KLHL18: variants seen among roughly 807,000 people sequenced by gnomAD.
KLHL18 encodes the protein kelch like family member 18, also known as kelch-like protein 18.
KLHL18 carries 38 observed loss-of-function variants against 58.5 expected under a neutral mutation model. That is an observed-to-expected ratio of 0.65 (90% CI 0.50 to 0.85). KLHL18 has a LOEUF of 0.85. Ranked by LOEUF, KLHL18 falls within the 40% of genes least tolerant of loss-of-function variation. KLHL18 has a pLI of 0.00. For missense variants in KLHL18, 624 were observed against 778.4 expected (o/e 0.80, Z 2.36); for synonymous variants, 303 against 301.9 (o/e 1.00, Z -0.04).
At chr3:47,323,501 T>C (rs192116549) in intron 3 of KLHL18, among the ~76,000 whole-genome samples, 1 of 152,360 alleles carries the variant, frequency 6.6e-6, no homozygotes, top group East Asian at 1.9e-4. Context: ...ACTTTTATGG[T>C]TGGGACCATG....
At chr3:47,309,477 C>T (rs1703238825) in intron 1 of KLHL18, among the ~76,000 whole-genome samples, 1 of 151,368 alleles carries the variant, frequency 6.6e-6, no homozygotes, top group African/African-American at 2.4e-5. Context: ...CAGAGGCGCT[C>T]CCCACAGCTC....
chr3:47,322,484 A>T, intron 2 of KLHL18, 84 bp from the exon 3 acceptor site: 1 of 1,342,790 alleles, frequency 7.4e-7, no homozygotes, highest in Non-Finnish European at 9.9e-7. Context: ...GGGCTAAGTA[A>T]TGTCAGTTCA....
intron 7 of KLHL18, among the ~76,000 whole-genome samples, chr3:47,339,009 C>G (rs2240796): frequency 0.13 from 19,854 of 152,012 alleles, 1,729 homozygotes; most frequent in East Asian, 0.3. Flanking sequence ...ACCACCAGAC[C>G]CCTGGGTCTT....
intron 7 of KLHL18, 185 bp downstream of exon 7, chr3:47,336,942 C>T (rs762154624): frequency 2.0e-5 from 12 of 591,434 alleles, no homozygotes; most frequent in Non-Finnish European, 2.7e-5. Flanking sequence ...GTAAAATATC[C>T]ACCTTGTCCT....
rs73831491 is a variant in KLHL18, at chr3:47,291,393, A to G, written c.129+8299A>G. ...GAACATCCAAGCAGCTGATTACATC[A>G]CCACTTTTTTCCAATTGGGGACAAA... On this transcript the variant is annotated intron_variant, in intron 1 of 9. Coordinates refer to ENST00000232766, the MANE Select transcript of KLHL18 (RefSeq NM_025010.5). Among the ~76,000 whole-genome samples the G allele has an allele frequency of 7.9e-4, 120 of 152,308 alleles. 1 individual carries two copies. The highest frequency in any genetic ancestry group is 2.8e-3 in the African/African-American group (115 of 41,564).
At position 47,329,906 on chromosome 3, in the gene KLHL18, C is replaced by T. The variant is rs113540790; in HGVS notation, c.402-45C>T. 344 of 1,527,664 alleles carry T rather than the reference C, an allele frequency of 2.3e-4. 3 individuals carry two copies. In the African/African-American group the frequency reaches 4.1e-3, roughly 18 times the overall value. 94.6% of individuals were successfully genotyped at this position (1,527,664 alleles called of 1,614,324 possible). ...CCAGCCTGAGAATGATCAAAGATAACATCCTTTCTTCCTCTAATTTTTTTT... is the reference window on the plus strand; with the variant it reads ...CCAGCCTGAGAATGATCAAAGATAATATCCTTTCTTCCTCTAATTTTTTTT... On this transcript the variant is annotated intron_variant, in intron 3 of 9. Coordinates refer to ENST00000232766, the MANE Select transcript of KLHL18 (RefSeq NM_025010.5).
chr3:47,330,213 T>C (rs1345270869), intron 4 of KLHL18, 64 bp downstream of exon 4: 2 of 1,450,128 alleles, frequency 1.4e-6, no homozygotes, highest in African/African-American at 1.4e-5. Context: ...AGTCATTGTT[T>C]TGTTTATGTA....
intron 1 of KLHL18, among the ~76,000 whole-genome samples, chr3:47,300,932 G>A (rs759382371): frequency 1.3e-5 from 2 of 152,054 alleles, no homozygotes; most frequent in African/African-American, 4.8e-5. Context: ...GAGTCACCAC[G>A]CCCGGCCTCA....
Position 47,330,021 on chromosome 3 carries a change from G to T in KLHL18, c.472G>T (p.Ala158Ser). 3 of 1,614,020 alleles carry T rather than the reference G, an allele frequency of 1.9e-6. No individual in the cohort carries two copies. The highest frequency in any genetic ancestry group is 2.5e-6 in the Non-Finnish European group (3 of 1,180,004). Reference protein sequence around the residue: ...ETMMCAVLYDAANSFIHQHFV... With the variant: ...ETMMCAVLYDSANSFIHQHFV... ...AATGATGTGTGCTGTGCTGTACGAC[G>T]CTGCCAACAGCTTCATCCACCAGCA... Residue 158 changes from alanine to serine, a missense_variant, in exon 4 of 10, where the codon GCT becomes TCT. Transcript: ENST00000232766.
At position 47,343,761 on chromosome 3, in the gene KLHL18, C is replaced by T; in HGVS notation, c.1545C>T (p.Ser515=). 2 of 1,614,214 alleles carry T rather than the reference C, an allele frequency of 1.2e-6. No individual in the cohort carries two copies. The highest frequency in any genetic ancestry group is 1.7e-6 in the Non-Finnish European group (2 of 1,180,042). ...TTGTCCCCATGCACACGCGCAGGAG[C>T]CGGGTCTCCCTGGTGGCCAGCTGTG... is the stretch of plus-strand genomic sequence containing the variant. ...CLIVPMHTRR[S]RVSLVASCGR... Residue 515 remains serine (S), a synonymous_variant, in exon 10 of 10, where the codon AGC becomes AGT. Transcript: ENST00000232766.
At chr3:47,307,089 C>G (rs57759602) in intron 1 of KLHL18, among the ~76,000 whole-genome samples, 1 of 151,392 alleles carries the variant, frequency 6.6e-6, no homozygotes, top group Non-Finnish European at 1.5e-5. Flanking sequence ...GTCTTTTTTT[C>G]GAGATGGAGT....
chr3:47,291,270 T>C (rs897426969), intron 1 of KLHL18, among the ~76,000 whole-genome samples: 2 of 152,242 alleles, frequency 1.3e-5, no homozygotes, highest in African/African-American at 4.8e-5. Flanking sequence ...GGCAGCTACC[T>C]TTCTACTTTC....
chr3:47,313,851 G>T (rs527743792), intron 1 of KLHL18, among the ~76,000 whole-genome samples: 1 of 152,168 alleles, frequency 6.6e-6, no homozygotes, highest in Admixed American at 6.5e-5. Flanking sequence ...CTGACATTGG[G>T]TGAGCTACTT....
In KLHL18 at chr3:47,305,880, AGT is replaced by A. The variant is rs1703136688; in HGVS notation, c.130-13772_130-13771del. Among the ~76,000 whole-genome samples, 6 of 152,194 alleles carry A rather than the reference AGT, an allele frequency of 3.9e-5. No homozygotes were observed. The South Asian group carries it at 1.2e-3, about 32-fold the overall frequency. Reference sequence around the variant, plus strand: ...CATCAGTTGTCAAATTTATGTGTAGAGTTGTTCATAGTATTCTCCTGTTATCA... The same window carrying A: ...CATCAGTTGTCAAATTTATGTGTAGATGTTCATAGTATTCTCCTGTTATCA... On this transcript the variant is annotated intron_variant, in intron 1 of 9. Coordinates refer to ENST00000232766, the MANE Select transcript of KLHL18 (RefSeq NM_025010.5).
intron 4 of KLHL18, among the ~76,000 whole-genome samples, chr3:47,331,787 G>A (rs914210351): frequency 1.3e-5 from 2 of 149,750 alleles, no homozygotes; most frequent in African/African-American, 2.5e-5. Flanking sequence ...TTTGACTGCT[G>A]TTGGGAGTTT....
In KLHL18 at chr3:47,342,737, G is replaced by A. The variant is rs149651289; in HGVS notation, c.1245G>A (p.Ser415=). The part of the protein sequence containing the change: ...PETDKWTVVT[S]MSSNRSAAGV... ...CCTGAAGATGGACAGTGGTGACCTC[G>A]ATGAGCTCGAATCGCAGTGCTGCTG... Residue 415 remains serine (S), a synonymous_variant, in exon 9 of 10, where the codon TCG becomes TCA. Coordinates refer to ENST00000232766, the MANE Select transcript of KLHL18 (RefSeq NM_025010.5). The A allele has an allele frequency of 4.0e-5, 65 of 1,614,074 alleles. No individual in the cohort carries two copies. The highest frequency in any genetic ancestry group is 4.8e-5 in the Non-Finnish European group (57 of 1,179,970).
chr3:47,333,166 G>C lies in KLHL18; in HGVS notation c.610G>C (p.Ala204Pro). The C allele has an allele frequency of 6.2e-7, 1 of 1,613,348 alleles. No homozygotes were observed. Among genetic ancestry groups the C allele is most frequent in the Middle Eastern group, 1.7e-4 (1 of 6,056 alleles). Residue 204 changes from alanine to proline, a missense_variant, in exon 5 of 10, where the codon GCT becomes CCT. Coordinates refer to ENST00000232766, the MANE Select transcript of KLHL18 (RefSeq NM_025010.5). ...NVKSEEQVFE[A>P]ALAWVRYDRE... ...TCCACTCTCATGACAGGTCTTTGAA[G>C]CTGCATTGGCCTGGGTCAGATACGA...
rs768708844 is a variant in KLHL18 at position 47,336,595 on chromosome 3, G to A, written c.959G>A (p.Arg320His). Reference sequence around the variant, plus strand: ...ATTGCCAATTGCTGGGAGAGATGCCGTCCCATGACAACAGCCCGCAGCCGC... The same window carrying A: ...ATTGCCAATTGCTGGGAGAGATGCCATCCCATGACAACAGCCCGCAGCCGC... ...DPIANCWERCRPMTTARSRVG... is the reference protein window; with the variant it reads ...DPIANCWERCHPMTTARSRVG... Residue 320 changes from arginine to histidine, a missense_variant, in exon 7 of 10, where the codon CGT becomes CAT. By Grantham distance (29) the Arg-to-His change is conservative. Coordinates refer to ENST00000232766, the MANE Select transcript of KLHL18 (RefSeq NM_025010.5). 7.4e-6 allele frequency: 12 copies of A among 1,614,224 alleles called. No individual in the cohort carries two copies. Among genetic ancestry groups the A allele is most frequent in the Middle Eastern group, 1.6e-4 (1 of 6,062 alleles).
At chr3:47,311,392 A>T (rs1703295804) in intron 1 of KLHL18, among the ~76,000 whole-genome samples, 1 of 152,062 alleles carries the variant, frequency 6.6e-6, no homozygotes, top group Non-Finnish European at 1.5e-5. Context: ...TATGTTCATG[A>T]TTTTAAAAAC....
Sources: gnomAD v4.1 joint callset for allele counts (sites outside exome capture counted in the v4.1 genomes callset) on GRCh38, gnomAD v4.1.1 for gene constraint, MANE v1.5 for transcripts, NCBI Gene and HGNC (gene_info 2026-07-23, HGNC 2026-07-21) for gene names.